The following LARGE1 variants were observed in gnomAD, a reference collection of about 807,000 sequenced individuals.
LARGE1 encodes the protein xylosyl- and glucuronyltransferase LARGE1.
A neutral mutation model predicts 87.6 loss-of-function variants in LARGE1; 43 were observed. That is an observed-to-expected ratio of 0.49 (90% CI 0.38 to 0.63). The LOEUF (loss-of-function observed/expected upper bound fraction) is 0.63, where lower values mean the gene tolerates loss of function less well. Ranked by LOEUF, LARGE1 falls within the 30% of genes least tolerant of loss-of-function variation. The pLI, the probability that LARGE1 is intolerant of heterozygous loss-of-function variation, is 0.00. For synonymous variants in LARGE1, 434 were observed against 394.6 expected (o/e 1.10, Z -1.18); for missense variants, 802 against 1,000.2 (o/e 0.80, Z 2.67).
At chr22:33,244,325 G>A (rs1926659182) in intron 11 of LARGE1, among the ~76,000 whole-genome samples, 1 of 152,088 alleles carries the variant, frequency 6.6e-6, no homozygotes, top group African/African-American at 2.4e-5. Flanking sequence ...CATATTCACT[G>A]TCTAGTTCAA....
the LARGE1 span, among the ~76,000 whole-genome samples, chr22:33,105,056 G>T: frequency 6.6e-6 from 1 of 151,280 alleles, no homozygotes; most frequent in Admixed American, 6.6e-5. Flanking sequence ...GGAGTGCAGT[G>T]GTACTATCTC....
chr22:33,346,277 TTCCTCCTCC>T (rs139892437), intron 9 of LARGE1, among the ~76,000 whole-genome samples: 1 of 149,406 alleles, frequency 6.7e-6, no homozygotes, highest in Non-Finnish European at 1.5e-5. Context: ...CTCTCTTTCT[TTCCTCCTCC>T]TCCTCCTCCT....
At chr22:33,604,209 C>A (rs957178911) in intron 5 of LARGE1, among the ~76,000 whole-genome samples, 3 of 152,210 alleles carry the variant, frequency 2.0e-5, no homozygotes, top group African/African-American at 4.8e-5. Flanking sequence ...CTCCAGAAAG[C>A]CTTGGTGGTC....
chr22:33,895,821 C>T (rs1485897698), intron 1 of LARGE1, among the ~76,000 whole-genome samples: 2 of 152,214 alleles, frequency 1.3e-5, no homozygotes, highest in African/African-American at 4.8e-5. Flanking sequence ...AAGTCCCCTG[C>T]ACACCCCAAG....
chr22:33,577,082 A>C (rs1341246822), intron 5 of LARGE1, among the ~76,000 whole-genome samples: 1 of 152,168 alleles, frequency 6.6e-6, no homozygotes. Context: ...TCTGCTATTA[A>C]ACGCAAGTGG....
At chr22:33,366,711 C>T (rs1177231854) in intron 9 of LARGE1, among the ~76,000 whole-genome samples, 1 of 152,212 alleles carries the variant, frequency 6.6e-6, no homozygotes, top group Non-Finnish European at 1.5e-5. Flanking sequence ...CTCCCCAGCC[C>T]TGTGGAACTG....
chr22:33,127,024 A>G, the LARGE1 span, among the ~76,000 whole-genome samples: 56,535 of 152,038 alleles, frequency 0.37, 10,678 homozygotes, highest in South Asian at 0.46. Context: ...TGGGATCTTC[A>G]GTGTTCTTCA....
chr22:33,684,306 T>C (rs1839581907), intron 2 of LARGE1, among the ~76,000 whole-genome samples: 1 of 151,732 alleles, frequency 6.6e-6, no homozygotes, highest in Non-Finnish European at 1.5e-5. Flanking sequence ...AAGAGAAACA[T>C]GACACAATTA....
At chr22:33,732,595 A>G (rs2083510715) in intron 2 of LARGE1, 1 of 152,282 alleles carries the variant, frequency 6.6e-6, no homozygotes, top group Admixed American at 6.5e-5. Context: ...ACACATGCAC[A>G]GTGCTGAGCA....
At chr22:33,235,658 G>A (rs2001069) in intron 11 of LARGE1, among the ~76,000 whole-genome samples, 16,789 of 152,124 alleles carry the variant, frequency 0.11, 1,175 homozygotes, top group East Asian at 0.22. Flanking sequence ...TAGCCTCTCC[G>A]GGTGGCATGG....
At chr22:33,531,871 G>C (rs1026732592) in intron 6 of LARGE1, among the ~76,000 whole-genome samples, 1 of 152,336 alleles carries the variant, frequency 6.6e-6, no homozygotes, top group South Asian at 2.1e-4. Flanking sequence ...CAGGCTGCCC[G>C]GAACAAGAGA....
At chr22:33,137,605 G>A in the LARGE1 span, among the ~76,000 whole-genome samples, 1 of 152,260 alleles carries the variant, frequency 6.6e-6, no homozygotes, top group Non-Finnish European at 1.5e-5. Flanking sequence ...ACATGTCAGA[G>A]GTCTTCACAG....
At chr22:33,088,503 C>T in the LARGE1 span, among the ~76,000 whole-genome samples, 1 of 152,168 alleles carries the variant, frequency 6.6e-6, no homozygotes, top group Non-Finnish European at 1.5e-5. Flanking sequence ...AAATCTGTCT[C>T]GGGCTGAATG....
chr22:33,095,604 T>C, the LARGE1 span, among the ~76,000 whole-genome samples: 1 of 152,218 alleles, frequency 6.6e-6, no homozygotes, highest in Non-Finnish European at 1.5e-5. Context: ...TACATGTTTG[T>C]GCATTGCCAC....
At chr22:33,192,960 G>A (rs1386537968) in intron 11 of LARGE1, among the ~76,000 whole-genome samples, 1 of 152,100 alleles carries the variant, frequency 6.6e-6, no homozygotes, top group South Asian at 2.1e-4. Context: ...TATCTTTGTC[G>A]AAGATCAATT....
At chr22:33,494,285 C>T (rs768414350) in intron 6 of LARGE1, among the ~76,000 whole-genome samples, 3 of 152,178 alleles carry the variant, frequency 2.0e-5, no homozygotes, top group Non-Finnish European at 4.4e-5. Context: ...GCCTCAGTTT[C>T]CCTACCCATA....
At chr22:33,222,113 T>A (rs1415019802) in intron 11 of LARGE1, among the ~76,000 whole-genome samples, 1 of 152,170 alleles carries the variant, frequency 6.6e-6, no homozygotes, top group East Asian at 1.9e-4. Context: ...AGCCAGCATG[T>A]GGGTTGGGTG....
intron 2 of LARGE1, among the ~76,000 whole-genome samples, chr22:33,658,111 G>T (rs2081021236): frequency 6.6e-6 from 1 of 152,066 alleles, no homozygotes; most frequent in South Asian, 2.1e-4. Flanking sequence ...AGCCTAATTT[G>T]TGGTTGCGGT....
chr22:33,361,003 T>A (rs2064369424), intron 9 of LARGE1, among the ~76,000 whole-genome samples: 2 of 148,712 alleles, frequency 1.3e-5, no homozygotes, highest in African/African-American at 2.5e-5. Flanking sequence ...GATCACGAGG[T>A]CGGGAGTTCA....
Sources: allele counts gnomAD v4.1 joint callset (sites outside exome capture counted in the v4.1 genomes callset), GRCh38; gene constraint gnomAD v4.1.1; transcripts MANE v1.5; gene names NCBI Gene and HGNC (gene_info 2026-07-23, HGNC 2026-07-21).